PSG11: variants seen among roughly 807,000 people sequenced by gnomAD.
PSG11 encodes the protein pregnancy specific beta-1-glycoprotein 11, also known as pregnancy-specific beta-1-glycoprotein 11.
PSG11 carries 42 observed loss-of-function variants against 36.0 expected under a neutral mutation model. That is an observed-to-expected ratio of 1.17 (90% CI 0.91 to 1.51). PSG11 has a LOEUF of 1.51. PSG11 is among the 40% of genes most tolerant of loss of function. PSG11 has a pLI of 0.00. For synonymous variants in PSG11, 206 were observed against 153.5 expected (o/e 1.34, Z -2.53); for missense variants, 558 against 403.5 (o/e 1.38, Z -3.28).
intron 3 of PSG11, 32 bp from the exon 4 acceptor site, chr19:43,015,402 G>A (rs1422497206): frequency 6.3e-7 from 1 of 1,589,546 alleles, no homozygotes; most frequent in Admixed American, 1.7e-5. Context: ...CACAGTTGAT[G>A]TCATCTGAGG....
intron 2 of PSG11, chr19:43,019,251 C>G: frequency 5.1e-6 from 6 of 1,165,246 alleles, no homozygotes; most frequent in South Asian, 1.7e-5. Context: ...GTGGGAGAAG[C>G]ACAGACTTTC....
Position 43,010,123 on chromosome 19 carries a change from G to T in PSG11, c.965-82C>A. The T allele has an allele frequency of 2.2e-5, 34 of 1,536,648 alleles. 1 individual carries two copies. The highest frequency in any genetic ancestry group is 2.9e-5 in the Non-Finnish European group (33 of 1,122,808). On this transcript the variant is annotated intron_variant, in intron 4 of 5. Transcript: ENST00000320078. Reference sequence around the variant, plus strand: ...AGCGTCAGGAACAAGCATGTAACATGAGATACTGTATAATTGTTTCTTCAA... The same window carrying T: ...AGCGTCAGGAACAAGCATGTAACATTAGATACTGTATAATTGTTTCTTCAA...
In PSG11 at chr19:43,019,099, C is replaced by T; in HGVS notation, c.431-51G>A. 18 of 1,583,802 alleles carry T rather than the reference C, an allele frequency of 1.1e-5. No individual in the cohort carries two copies. The South Asian group carries it at 2.0e-4, about 17-fold the overall frequency. ...GCCCTGTGTGGCACCTTTGATTCCT[C>T]CAAAGGCATTTTTCAATCAGAATTG... On this transcript the variant is annotated intron_variant, in intron 2 of 5. Coordinates refer to ENST00000320078, the MANE Select transcript of PSG11 (RefSeq NM_002785.3).
Position 43,007,976 on chromosome 19 carries a change from G to A in PSG11, c.*107C>T. On this transcript the variant is annotated 3_prime_UTR_variant, in exon 6 of 6. Transcript: ENST00000320078. ...AATTTTGAAAGTTCTTAGTCCAGTGGTATGATCTTGAAGTTATCAGGAACT... is the reference window on the plus strand; with the variant it reads ...AATTTTGAAAGTTCTTAGTCCAGTGATATGATCTTGAAGTTATCAGGAACT... The A allele has an allele frequency of 2.5e-6, 1 of 401,078 alleles. No homozygotes were observed. Among genetic ancestry groups the A allele is most frequent in the Non-Finnish European group, 4.6e-6 (1 of 216,788 alleles). 24.8% of individuals were successfully genotyped at this position (401,078 alleles called of 1,614,324 possible).
intron 1 of PSG11, chr19:43,025,369 C>T: frequency 2.6e-6 from 1 of 381,486 alleles, no homozygotes; most frequent in Non-Finnish European, 4.7e-6. Flanking sequence ...CCACACTGCC[C>T]TCAGGTCCTG....
In PSG11 at chr19:43,009,629, T is replaced by A. The variant is rs1211738215; in HGVS notation, c.*40+329A>T. 4.6e-5 allele frequency among the ~76,000 whole-genome samples: 7 copies of A among 151,308 alleles called. 1 individual carries two copies. Among genetic ancestry groups the A allele is most frequent in the Non-Finnish European group, 1.0e-4 (7 of 67,872 alleles). Reference sequence around the variant, plus strand: ...AGAAGTCAAGCAATACTTTGAGAAGTGGTTGAGCTTTATGGGAATGGAGAG... The same window carrying A: ...AGAAGTCAAGCAATACTTTGAGAAGAGGTTGAGCTTTATGGGAATGGAGAG... On this transcript the variant is annotated intron_variant, in intron 5 of 5. Transcript: ENST00000320078.
chr19:43,009,936 A>G, intron 5 of PSG11, 22 bp downstream of exon 5: 1 of 1,521,090 alleles, frequency 6.6e-7, no homozygotes, highest in Non-Finnish European at 9.1e-7. Flanking sequence ...AGGAACCAGG[A>G]TAAGAGAAAA....
chr19:43,018,616 C>T, intron 3 of PSG11, 154 bp downstream of exon 3: 1 of 1,539,054 alleles, frequency 6.5e-7, no homozygotes, highest in Non-Finnish European at 8.9e-7. Context: ...CCTAGGCCTA[C>T]TGTGGTTTGT....
intron 2 of PSG11, among the ~76,000 whole-genome samples, chr19:43,021,441 T>G (rs1160311942): frequency 6.6e-6 from 1 of 151,230 alleles, no homozygotes; most frequent in Non-Finnish European, 1.5e-5. Flanking sequence ...AAGCTCCACC[T>G]CCCGGGTTCA....
intron 3 of PSG11, chr19:43,015,734 T>C: frequency 1.9e-6 from 3 of 1,605,450 alleles, no homozygotes; most frequent in Non-Finnish European, 1.7e-6. Flanking sequence ...GGATTTAAGC[T>C]GGTGTCCTGG....
At chr19:43,013,082 GA>G (rs1419363224) in intron 4 of PSG11, among the ~76,000 whole-genome samples, 1 of 151,370 alleles carries the variant, frequency 6.6e-6, no homozygotes, top group Non-Finnish European at 1.5e-5. Flanking sequence ...CCAAGGGCAA[GA>G]AGAGTGGAAC....
intron 4 of PSG11, among the ~76,000 whole-genome samples, chr19:43,010,890 C>CATATATATATATATATATATATAT (rs10566441): frequency 2.8e-5 from 4 of 140,386 alleles, no homozygotes; most frequent in African/African-American, 1.1e-4. Flanking sequence ...CCTCTTTTTC[C>CATATATATATATATATATATATAT]ATATATATAT....
At chr19:43,014,489 T>A (rs1043818737) in intron 4 of PSG11, 1 of 975,334 alleles carries the variant, frequency 1.0e-6, no homozygotes, top group Admixed American at 5.8e-5. Context: ...TCTTATTTCC[T>A]TGCAGCCTGG....
chr19:43,013,966 T>C (rs1966892551), intron 4 of PSG11: 1 of 151,346 alleles, frequency 6.6e-6, no homozygotes, highest in Admixed American at 6.6e-5. Context: ...CAATATATCG[T>C]GCAAAATGGA....
intron 4 of PSG11, chr19:43,014,598 T>G (rs902481760): frequency 1.9e-6 from 2 of 1,029,212 alleles, no homozygotes; most frequent in African/African-American, 1.7e-5. Context: ...CACCCCAGGT[T>G]GAGTGAGGCA....
intron 1 of PSG11, among the ~76,000 whole-genome samples, chr19:43,025,916 C>CTTTTTTTTTTTTTTTTCT (rs1967238117): frequency 3.2e-5 from 2 of 62,000 alleles, no homozygotes; most frequent in African/African-American, 1.3e-4. Flanking sequence ...GCCTTCTTTC[C>CTTTTTTTTTTTTTTTTCT]TTTTTTTTTT....
chr19:43,026,358 T>G lies in PSG11; in HGVS notation c.15A>C (p.Ser5=), dbSNP rs1162910917. 1 of 1,610,716 alleles carries G rather than the reference T, an allele frequency of 6.2e-7. No individual in the cohort carries two copies. The highest frequency in any genetic ancestry group is 1.7e-5 in the Admixed American group (1 of 59,808). The stretch of plus-strand genomic sequence containing the variant: ...TGATGTGCTCTGTGCAGGGAGGGGC[T>G]GAGAGGGGCCCCATGATCTCTGCTG... The part of the protein sequence containing the change: MGPL[S]APPCTEHIKW... Residue 5 remains serine, a synonymous_variant, in exon 1 of 6, where the codon TCA becomes TCC. Coordinates refer to ENST00000320078, the MANE Select transcript of PSG11 (RefSeq NM_002785.3).
chr19:43,026,402 T>G lies in PSG11; in HGVS notation c.-30A>C. 6.2e-7 allele frequency: 1 copy of G among 1,606,088 alleles called. No individual in the cohort carries two copies. Among genetic ancestry groups the G allele is most frequent in the Non-Finnish European group, 8.5e-7 (1 of 1,175,510 alleles). On this transcript the variant is annotated 5_prime_UTR_variant, in exon 1 of 6. Transcript: ENST00000320078. ...TCTGCTGCGTGCATGTTCTCCTCTG[T>G]GGAGATGAGCCTAGGATCCAGAAGC...
At chr19:43,022,268 T>G (rs912765051) in intron 2 of PSG11, among the ~76,000 whole-genome samples, 2 of 151,450 alleles carry the variant, frequency 1.3e-5, no homozygotes, top group African/African-American at 4.9e-5. Context: ...AACGTGAGAT[T>G]GGTCTTTTGA....
Sources: gnomAD v4.1 joint callset for allele counts (sites outside exome capture counted in the v4.1 genomes callset) on GRCh38, gnomAD v4.1.1 for gene constraint, MANE v1.5 for transcripts, NCBI Gene and HGNC (gene_info 2026-07-23, HGNC 2026-07-21) for gene names.